PCDH9: variants seen among roughly 807,000 people sequenced by gnomAD.
PCDH9 encodes the protein protocadherin 9.
Under a neutral mutation model 70.6 loss-of-function variants are expected in PCDH9, and 24 were observed. That is an observed-to-expected ratio of 0.34 (90% CI 0.25 to 0.48). The LOEUF is 0.48. Ranked by LOEUF, PCDH9 falls within the 20% of genes least tolerant of loss-of-function variation. PCDH9 has a pLI of 0.99. For synonymous variants in PCDH9, 562 were observed against 558.5 expected (o/e 1.01, Z -0.09); for missense variants, 1,281 against 1,503.6 (o/e 0.85, Z 2.45).
chr13:66,888,536 C>T lies in PCDH9; in HGVS notation c.3138+14968G>A, dbSNP rs2082045509. ...AAAAAAATAAAAAATAAATATCAGC[C>T]TGTCCCCAAAAAAAATAAATAAAAA... is the stretch of plus-strand genomic sequence containing the variant. On this transcript the variant is annotated intron_variant, in intron 3 of 4. Transcript: ENST00000377865. 2.0e-5 allele frequency among the ~76,000 whole-genome samples: 3 copies of T among 149,480 alleles called. No individual in the cohort carries two copies. In the South Asian group the frequency reaches 6.3e-4, roughly 32 times the overall value.
intron 3 of PCDH9, among the ~76,000 whole-genome samples, chr13:66,894,443 T>C (rs2082144266): frequency 6.6e-6 from 1 of 152,164 alleles, no homozygotes; most frequent in Admixed American, 6.5e-5. Flanking sequence ...ATTATATAGG[T>C]TATGTTAGCT....
At chr13:66,407,840 T>C (rs575805803) in intron 4 of PCDH9, among the ~76,000 whole-genome samples, 2 of 152,282 alleles carry the variant, frequency 1.3e-5, no homozygotes, top group Admixed American at 1.3e-4. Flanking sequence ...GATGGCTCTC[T>C]TTACACCTTA....
At chr13:66,359,487 A>G (rs1956434120) in intron 4 of PCDH9, among the ~76,000 whole-genome samples, 1 of 151,970 alleles carries the variant, frequency 6.6e-6, no homozygotes, top group Non-Finnish European at 1.5e-5. Context: ...GGGGAAAAAA[A>G]TTCAGAATGT....
intron 2 of PCDH9, among the ~76,000 whole-genome samples, chr13:66,911,481 C>G (rs941533418): frequency 7.2e-5 from 11 of 152,186 alleles, no homozygotes; most frequent in African/African-American, 1.7e-4. Context: ...CAAATCGTAG[C>G]TGCTTCTGTG....
intron 3 of PCDH9, among the ~76,000 whole-genome samples, chr13:66,895,183 A>C (rs564642604): frequency 6.6e-6 from 1 of 152,172 alleles, no homozygotes; most frequent in Non-Finnish European, 1.5e-5. Context: ...TATAATACGA[A>C]CTGTTTATGT....
intron 4 of PCDH9, among the ~76,000 whole-genome samples, chr13:66,346,528 C>A (rs572845625): frequency 1.3e-5 from 2 of 152,150 alleles, no homozygotes; most frequent in Non-Finnish European, 2.9e-5. Flanking sequence ...AGAGTGAAAC[C>A]TTCTGAATCA....
At chr13:67,191,751 G>A (rs529034807) in intron 2 of PCDH9, among the ~76,000 whole-genome samples, 5 of 151,936 alleles carry the variant, frequency 3.3e-5, no homozygotes, top group East Asian at 1.9e-4. Context: ...CCCTGTCTCC[G>A]GCCCCTCCCA....
At chr13:67,062,266 C>T (rs61961774) in intron 2 of PCDH9, among the ~76,000 whole-genome samples, 15,334 of 152,154 alleles carry the variant, frequency 0.1, 843 homozygotes, top group Non-Finnish European at 0.12. Flanking sequence ...AAATACAGCA[C>T]ATTTAAGCTT....
intron 3 of PCDH9, among the ~76,000 whole-genome samples, chr13:66,858,564 T>C (rs1261616621): frequency 2.0e-5 from 3 of 152,146 alleles, no homozygotes; most frequent in African/African-American, 7.2e-5. Context: ...CTTCTCCTTC[T>C]TCTTCCTCCC....
At chr13:67,129,894 G>GTAAAAAGAC (rs2087069242) in intron 2 of PCDH9, among the ~76,000 whole-genome samples, 1 of 151,724 alleles carries the variant, frequency 6.6e-6, no homozygotes, top group African/African-American at 2.4e-5. Flanking sequence ...AAAAATGAGA[G>GTAAAAAGAC]TAAAAAGACC....
At chr13:66,349,224 C>A (rs1360419084) in intron 4 of PCDH9, among the ~76,000 whole-genome samples, 1 of 152,050 alleles carries the variant, frequency 6.6e-6, no homozygotes, top group Non-Finnish European at 1.5e-5. Context: ...ACATACTAGA[C>A]CCTCCCTAAA....
intron 2 of PCDH9, among the ~76,000 whole-genome samples, chr13:66,908,330 G>GCT (rs2082398808): frequency 6.6e-6 from 1 of 152,056 alleles, no homozygotes; most frequent in Non-Finnish European, 1.5e-5. Context: ...TTCTTCTCCT[G>GCT]CTCTCTCTCT....
chr13:66,340,179 T>A (rs1956102563), intron 4 of PCDH9, among the ~76,000 whole-genome samples: 1 of 152,214 alleles, frequency 6.6e-6, no homozygotes. Context: ...AATTAAACTG[T>A]TTATATGGTG....
At chr13:66,484,972 AG>A (rs1469167444) in intron 4 of PCDH9, among the ~76,000 whole-genome samples, 2 of 152,260 alleles carry the variant, frequency 1.3e-5, no homozygotes, top group Admixed American at 6.5e-5. Context: ...AGTTCTCTCT[AG>A]TATTAAAAAT....
intron 2 of PCDH9, chr13:67,204,362 C>G (rs2089288216): frequency 6.6e-6 from 1 of 152,090 alleles, no homozygotes; most frequent in African/African-American, 2.4e-5. Context: ...TCTAAAGGTG[C>G]AAAGTCTAGG....
intron 4 of PCDH9, among the ~76,000 whole-genome samples, chr13:66,440,648 T>C (rs1957956141): frequency 6.6e-6 from 1 of 152,122 alleles, no homozygotes; most frequent in Non-Finnish European, 1.5e-5. Context: ...AGCTAATGAA[T>C]AGAAGGAATT....
chr13:66,624,242 C>T (rs2077470590), intron 4 of PCDH9, among the ~76,000 whole-genome samples: 1 of 152,154 alleles, frequency 6.6e-6, no homozygotes. Flanking sequence ...TAAGAATCCT[C>T]AAATGAAAGT....
At chr13:66,982,215 A>T (rs1271028011) in intron 2 of PCDH9, among the ~76,000 whole-genome samples, 1 of 152,184 alleles carries the variant, frequency 6.6e-6, no homozygotes, top group East Asian at 1.9e-4. Context: ...GTCTCCCTAG[A>T]AACCGAGCGA....
chr13:66,777,734 C>G (rs373986663), intron 3 of PCDH9, among the ~76,000 whole-genome samples: 49 of 152,142 alleles, frequency 3.2e-4, no homozygotes, highest in South Asian at 2.1e-3. Context: ...CGATTCCTCA[C>G]GGATCTAGAA....
Sources: gnomAD v4.1 joint callset for allele counts (sites outside exome capture counted in the v4.1 genomes callset) on GRCh38, gnomAD v4.1.1 for gene constraint, MANE v1.5 for transcripts, NCBI Gene and HGNC (gene_info 2026-07-23, HGNC 2026-07-21) for gene names.